Variants in CSNK2A1 observed in about 807,000 individuals in gnomAD.
CSNK2A1 encodes casein kinase II subunit alpha.
In CSNK2A1, 10 loss-of-function variants were observed where a neutral mutation model predicts 62.9. The observed-to-expected ratio is 0.16, with a 90% CI of 0.10 to 0.27. CSNK2A1 has a LOEUF of 0.27. Ranked by LOEUF, CSNK2A1 falls within the 10% of genes least tolerant of loss-of-function variation. CSNK2A1 has a pLI of 1.00. For missense variants in CSNK2A1, 160 were observed against 492.0 expected, an observed-to-expected ratio of 0.33 and a Z score of 6.38; for synonymous variants, 124 against 167.8, an observed-to-expected ratio of 0.74 and a Z score of 2.02.
intron 1 of CSNK2A1, among the ~76,000 whole-genome samples, chr20:531,494 C>T (rs950221653): frequency 6.6e-6 from 1 of 152,126 alleles, no homozygotes; most frequent in Non-Finnish European, 1.5e-5. Flanking sequence ...AATTTTGGAA[C>T]TGAAAATGCA....
At chr20:487,775 G>GA in intron 11 of CSNK2A1, 200 bp from the exon 12 acceptor site, 1 of 645,784 alleles carries the variant, frequency 1.5e-6, no homozygotes, top group East Asian at 2.8e-5. Flanking sequence ...TAGCTAGAGT[G>GA]AAAAAAGACA....
chr20:516,435 T>C (rs956701239), intron 2 of CSNK2A1, among the ~76,000 whole-genome samples: 3 of 152,218 alleles, frequency 2.0e-5, no homozygotes, highest in African/African-American at 7.2e-5. Flanking sequence ...GCCAACTGCA[T>C]GGGTCTGCAT....
intron 2 of CSNK2A1, among the ~76,000 whole-genome samples, chr20:521,703 T>C (rs879388309): frequency 2.0e-5 from 3 of 152,242 alleles, no homozygotes; most frequent in Non-Finnish European, 4.4e-5. Flanking sequence ...CATGTGATGC[T>C]TAGCAATAAA....
At chr20:526,385 A>G (rs2019090793) in intron 2 of CSNK2A1, among the ~76,000 whole-genome samples, 1 of 152,080 alleles carries the variant, frequency 6.6e-6, no homozygotes, top group Non-Finnish European at 1.5e-5. Flanking sequence ...CTGAAGCGGG[A>G]AGACTGCTTG....
At position 482,575 on chromosome 20, in the gene CSNK2A1, AG is replaced by A. The variant is rs2017975389; in HGVS notation, c.*1385del. ...TCTGCCCGGTACCATGGGTCGAACG[AG>A]GGGTGTATAAAATGGGGGCCTTGGG... On this transcript the variant is annotated 3_prime_UTR_variant, in exon 14 of 14. Coordinates refer to ENST00000217244, the MANE Select transcript of CSNK2A1 (RefSeq NM_177559.3). 1 of 152,238 alleles carries A rather than the reference AG, an allele frequency of 6.6e-6. No homozygotes were observed. The highest frequency in any genetic ancestry group is 2.4e-5 in the African/African-American group (1 of 41,366). 9.4% of individuals were successfully genotyped at this position (152,238 alleles called of 1,614,324 possible).
intron 9 of CSNK2A1, 80 bp downstream of exon 9, chr20:492,172 CAA>C (rs2018249584): frequency 8.7e-6 from 11 of 1,264,578 alleles, no homozygotes; most frequent in Non-Finnish European, 1.2e-5. Flanking sequence ...CCTAAATGCA[CAA>C]AATGATACTT....
At chr20:524,952 A>G (rs967562411) in intron 2 of CSNK2A1, among the ~76,000 whole-genome samples, 3 of 151,912 alleles carry the variant, frequency 2.0e-5, no homozygotes, top group African/African-American at 7.3e-5. Flanking sequence ...CCATCTCTAC[A>G]GAAAAATTTA....
chr20:537,675 C>A (rs1018967985), intron 1 of CSNK2A1, among the ~76,000 whole-genome samples: 14 of 152,182 alleles, frequency 9.2e-5, no homozygotes, highest in African/African-American at 3.4e-4. Context: ...AAATGACATG[C>A]TACTTTCGAA....
chr20:484,694 T>TTGTGTG (rs3055006), intron 13 of CSNK2A1, among the ~76,000 whole-genome samples: 32 of 147,712 alleles, frequency 2.2e-4, no homozygotes, highest in South Asian at 4.3e-4. Context: ...AATCATGTTT[T>TTGTGTG]TGTGTGTGTG....
chr20:538,006 G>A (rs6052752), intron 1 of CSNK2A1, among the ~76,000 whole-genome samples: 1 of 147,416 alleles, frequency 6.8e-6, no homozygotes, highest in Non-Finnish European at 1.5e-5. Flanking sequence ...CTGTCCCCCA[G>A]GCTGGAGTGC....
Position 478,976 on chromosome 20 carries a change from A to G in CSNK2A1, c.*4985T>C, listed in dbSNP as rs1042320078. The G allele has an allele frequency of 3.8e-5, 6 of 155,920 alleles. No homozygotes were observed. Among genetic ancestry groups the G allele is most frequent in the Non-Finnish European group, 8.6e-5 (6 of 69,822 alleles). The allele number at this position is 155,920 out of a possible 1,614,324, so 9.7% of individuals were successfully genotyped here. A position where few individuals can be genotyped will look rare whatever the true frequency, so the allele number is the denominator to read the frequency against. On this transcript the variant is annotated 3_prime_UTR_variant, in exon 14 of 14. Coordinates refer to ENST00000217244, the MANE Select transcript of CSNK2A1 (RefSeq NM_177559.3). ...CTAGTGAGTAGAGCGACAGGGAGACAAATCCAGTTTGTAATTTGCTACAGT... is the reference window on the plus strand; with the variant it reads ...CTAGTGAGTAGAGCGACAGGGAGACGAATCCAGTTTGTAATTTGCTACAGT...
At chr20:511,058 A>G (rs1050065662) in intron 2 of CSNK2A1, among the ~76,000 whole-genome samples, 3 of 152,130 alleles carry the variant, frequency 2.0e-5, no homozygotes, top group African/African-American at 7.2e-5. Context: ...TAAAATATAC[A>G]TAACATAAAC....
chr20:490,338 T>TTTTTC (rs1555762299), intron 9 of CSNK2A1, among the ~76,000 whole-genome samples: 2 of 137,236 alleles, frequency 1.5e-5, no homozygotes, highest in Non-Finnish European at 3.0e-5. Context: ...GTTTTTTCTT[T>TTTTTC]TTTTTTTTTT....
In CSNK2A1 at chr20:473,484, G is replaced by C. The variant is rs2017791643; in HGVS notation, c.*10477C>G. 6.6e-6 allele frequency: 1 copy of C among 152,278 alleles called. No homozygotes were observed. The allele number at this position is 152,278 out of a possible 1,614,324, so 9.4% of individuals were successfully genotyped here. A position where few individuals can be genotyped will look rare whatever the true frequency, so the allele number is the denominator to read the frequency against. ...CCAGATGCAAGGGAGCTTCATCCAA[G>C]GGGGTGACAGGATTTGGTGTCCTTC... On this transcript the variant is annotated 3_prime_UTR_variant, in exon 14 of 14. Transcript: ENST00000217244.
chr20:486,772 T>G (rs2018108669), intron 12 of CSNK2A1: 1 of 303,354 alleles, frequency 3.3e-6, no homozygotes, highest in Non-Finnish European at 6.3e-6. Context: ...GACAAGACAC[T>G]GTAACTCGGC....
At chr20:505,299 T>C in intron 3 of CSNK2A1, 70 bp from the exon 4 acceptor site, 1 of 1,103,440 alleles carries the variant, frequency 9.1e-7, no homozygotes, top group African/African-American at 1.6e-5. Context: ...CAGGAATCTA[T>C]TACCAGCAGC....
At chr20:531,170 T>TA (rs995655007) in intron 1 of CSNK2A1, among the ~76,000 whole-genome samples, 94 of 151,798 alleles carry the variant, frequency 6.2e-4, no homozygotes, top group Admixed American at 1.6e-3. Context: ...TTACCAAAAT[T>TA]AAAAAAAAAT....
intron 10 of CSNK2A1, 187 bp from the exon 11 acceptor site, chr20:488,965 T>C: frequency 2.0e-6 from 1 of 489,462 alleles, no homozygotes; most frequent in Non-Finnish European, 3.5e-6. Flanking sequence ...TAAACTGGTT[T>C]CTTCCTCTTG....
intron 3 of CSNK2A1, among the ~76,000 whole-genome samples, chr20:505,668 ATTT>A (rs11484480): frequency 7.0e-6 from 1 of 142,532 alleles, no homozygotes; most frequent in Non-Finnish European, 1.5e-5. Flanking sequence ...GGCCCATTGT[ATTT>A]TTTTTTTTTT....
Sources: gnomAD v4.1 joint callset for allele counts (sites outside exome capture counted in the v4.1 genomes callset) on GRCh38, gnomAD v4.1.1 for gene constraint, MANE v1.5 for transcripts, NCBI Gene and HGNC (gene_info 2026-07-23, HGNC 2026-07-21) for gene names.